Variants in CLEC9A observed in about 807,000 individuals in gnomAD.
CLEC9A encodes the protein C-type lectin domain family 9 member A.
Under a neutral mutation model 30.0 loss-of-function variants are expected in CLEC9A, and 24 were observed. The observed-to-expected ratio is 0.80, with a 90% CI of 0.58 to 1.13. CLEC9A has a LOEUF of 1.13. CLEC9A is among the 50% of genes most tolerant of loss of function. CLEC9A has a pLI of 0.00. For missense variants in CLEC9A, 251 were observed against 280.9 expected (o/e 0.89, Z 0.76); for synonymous variants, 111 against 96.8 (o/e 1.15, Z -0.86).
At chr12:10,031,169 T>TA (rs2137291863) in intron 1 of CLEC9A, among the ~76,000 whole-genome samples, 197 bp downstream of exon 1, 1 of 152,234 alleles carries the variant, frequency 6.6e-6, no homozygotes, top group African/African-American at 2.4e-5. Context: ...TAATGAATGA[T>TA]ATGTGGGAGT....
At chr12:10,058,040 C>A (rs914793290) in intron 5 of CLEC9A, among the ~76,000 whole-genome samples, 1 of 151,948 alleles carries the variant, frequency 6.6e-6, no homozygotes, top group Non-Finnish European at 1.5e-5. Context: ...CTTTATTCCT[C>A]ATTGCAGATT....
intron 7 of CLEC9A, among the ~76,000 whole-genome samples, chr12:10,064,140 A>G (rs1457448916): frequency 6.6e-6 from 1 of 152,246 alleles, no homozygotes; most frequent in Non-Finnish European, 1.5e-5. Context: ...TATACCTGCT[A>G]TATTCAGTAA....
chr12:10,032,933 G>A (rs1865712914), intron 1 of CLEC9A, among the ~76,000 whole-genome samples: 1 of 151,746 alleles, frequency 6.6e-6, no homozygotes, highest in South Asian at 2.1e-4. Flanking sequence ...AAATCTCTCT[G>A]TGCTTACTGT....
intron 2 of CLEC9A, among the ~76,000 whole-genome samples, chr12:10,044,407 C>T (rs1006845868): frequency 6.6e-6 from 1 of 152,214 alleles, no homozygotes; most frequent in South Asian, 2.1e-4. Context: ...CAGGATACTA[C>T]AGCTACAACT....
At chr12:10,056,533 C>T (rs1230065051) in intron 5 of CLEC9A, among the ~76,000 whole-genome samples, 3 of 151,920 alleles carry the variant, frequency 2.0e-5, no homozygotes, top group African/African-American at 7.3e-5. Context: ...TAAATAAAAG[C>T]TGAAATTATT....
At chr12:10,058,543 G>A (rs1176644294) in intron 5 of CLEC9A, among the ~76,000 whole-genome samples, 1 of 152,140 alleles carries the variant, frequency 6.6e-6, no homozygotes, top group Non-Finnish European at 1.5e-5. Flanking sequence ...ATATGTAAAT[G>A]TTTTCTTTTT....
intron 4 of CLEC9A, among the ~76,000 whole-genome samples, chr12:10,053,269 A>G (rs1280194400): frequency 6.6e-6 from 1 of 152,210 alleles, no homozygotes. Context: ...GATTAACAGA[A>G]CGTAAATTTA....
At chr12:10,038,930 T>C (rs576491166) in intron 1 of CLEC9A, among the ~76,000 whole-genome samples, 74 of 152,316 alleles carry the variant, frequency 4.9e-4, no homozygotes, top group African/African-American at 1.8e-3. Context: ...GGGATGAGGA[T>C]GGATGTGTGG....
intron 5 of CLEC9A, among the ~76,000 whole-genome samples, chr12:10,055,615 A>G (rs1367498376): frequency 1.3e-5 from 2 of 152,220 alleles, no homozygotes; most frequent in Admixed American, 6.5e-5. Context: ...AATTAACTGA[A>G]GATGCAACAT....
chr12:10,062,036 T>C (rs1866003184), intron 6 of CLEC9A, among the ~76,000 whole-genome samples: 1 of 152,210 alleles, frequency 6.6e-6, no homozygotes, highest in Admixed American at 6.5e-5. Context: ...AGCAGGCCAT[T>C]GCAAACTCGG....
At chr12:10,052,920 A>G in intron 4 of CLEC9A, 142 bp downstream of exon 4, 1 of 877,372 alleles carries the variant, frequency 1.1e-6, no homozygotes. Context: ...ATGCTAATGA[A>G]GTGGAGAAGG....
chr12:10,056,124 G>C (rs1865941221), intron 5 of CLEC9A, among the ~76,000 whole-genome samples: 1 of 141,256 alleles, frequency 7.1e-6, no homozygotes, highest in Non-Finnish European at 1.5e-5. Context: ...AAGATTTGCT[G>C]TTCAGTGTAT....
chr12:10,044,594 G>A (rs1420776437), intron 2 of CLEC9A, among the ~76,000 whole-genome samples: 2 of 152,092 alleles, frequency 1.3e-5, no homozygotes, highest in East Asian at 1.9e-4. Flanking sequence ...CTCCATGACT[G>A]TTTCCTTCTT....
At position 10,065,886 on chromosome 12, in the gene CLEC9A, C is replaced by A; in HGVS notation, c.*254C>A. The A allele has an allele frequency of 3.0e-6, 1 of 335,100 alleles. No homozygotes were observed. The highest frequency in any genetic ancestry group is 5.4e-6 in the Non-Finnish European group (1 of 184,408). The allele number at this position is 335,100 out of a possible 1,614,324, so 20.8% of individuals were successfully genotyped here. ...AAAACCCTGAAGAGTTAAGAACAAA[C>A]GCAAGGAAATAATTTTTATTGTTTA... On this transcript the variant is annotated 3_prime_UTR_variant, in exon 9 of 9. Transcript: ENST00000355819.
intron 1 of CLEC9A, among the ~76,000 whole-genome samples, chr12:10,033,066 A>T (rs1279442628): frequency 2.6e-5 from 4 of 151,968 alleles, no homozygotes; most frequent in Admixed American, 6.6e-5. Context: ...CTCAGAATTC[A>T]TCTCACGCAC....
At chr12:10,038,884 G>A (rs5011268) in intron 1 of CLEC9A, among the ~76,000 whole-genome samples, 72 of 72,504 alleles carry the variant, frequency 9.9e-4, no homozygotes, top group Non-Finnish European at 1.3e-3. Flanking sequence ...CCTTAACAGA[G>A]AGTAATATTT....
At chr12:10,044,326 C>A (rs1055160859) in intron 2 of CLEC9A, among the ~76,000 whole-genome samples, 2 of 152,258 alleles carry the variant, frequency 1.3e-5, no homozygotes, top group Non-Finnish European at 2.9e-5. Flanking sequence ...AAATCTTGTA[C>A]AATATGATCA....
At position 10,064,751 on chromosome 12, in the gene CLEC9A, T is replaced by C. The variant is rs1866028023; in HGVS notation, c.491T>C (p.Leu164Ser). 6.2e-7 allele frequency: 1 copy of C among 1,611,810 alleles called. No individual in the cohort carries two copies. The highest frequency in any genetic ancestry group is 1.3e-5 in the African/African-American group (1 of 74,716). Reference sequence around the variant, plus strand: ...TCATAGGATTTTATCACTGGCAGCTTGAGGAAGATTAAAGGAAGCTATGAT... The same window carrying C: ...TCATAGGATTTTATCACTGGCAGCTCGAGGAAGATTAAAGGAAGCTATGAT... ...KEEMDFITGSLRKIKGSYDYW... is the reference protein window; with the variant it reads ...KEEMDFITGSSRKIKGSYDYW... Residue 164 changes from leucine to serine, a missense_variant, in exon 8 of 9, where the codon TTG becomes TCG. By Grantham distance (145) the Leu-to-Ser change is moderately radical. Transcript: ENST00000355819.
intron 2 of CLEC9A, among the ~76,000 whole-genome samples, chr12:10,044,465 C>T (rs1865827792): frequency 6.6e-6 from 1 of 152,186 alleles, no homozygotes; most frequent in Non-Finnish European, 1.5e-5. Context: ...GCCTCATTCA[C>T]AATATTGCAG....
Sources: allele counts gnomAD v4.1 joint callset (sites outside exome capture counted in the v4.1 genomes callset), GRCh38; gene constraint gnomAD v4.1.1; transcripts MANE v1.5; gene names NCBI Gene and HGNC (gene_info 2026-07-23, HGNC 2026-07-21).